Variants in SLC26A3 observed in about 807,000 individuals in gnomAD.
The protein encoded by SLC26A3 is chloride anion exchanger.
In SLC26A3, 64 loss-of-function variants were observed where a neutral mutation model predicts 85.6. That is an observed-to-expected ratio of 0.75 (90% CI 0.61 to 0.92). The LOEUF is 0.92. Ranked by LOEUF, SLC26A3 falls within the 40% of genes least tolerant of loss-of-function variation. SLC26A3 has a pLI of 0.00. For synonymous variants in SLC26A3, 349 were observed against 336.0 expected (o/e 1.04, Z -0.42); for missense variants, 922 against 927.3 (o/e 0.99, Z 0.07).
intron 1 of SLC26A3, among the ~76,000 whole-genome samples, chr7:107,795,603 G>A (rs960889729): frequency 6.6e-6 from 1 of 152,034 alleles, no homozygotes; most frequent in Admixed American, 6.6e-5. Flanking sequence ...GGGACATACA[G>A]CTTGTTAACA....
chr7:107,771,455 G>A (rs1041770539), intron 18 of SLC26A3, among the ~76,000 whole-genome samples: 7 of 152,140 alleles, frequency 4.6e-5, no homozygotes, highest in African/African-American at 1.2e-4. Flanking sequence ...TAGAGTGTAC[G>A]GTTGAAGCTT....
In SLC26A3 at chr7:107,765,882, G is replaced by A. The variant is rs771388879; in HGVS notation, c.2272-4C>T. ...AGAATTTTGTTTCAACTGGCACCTGGAAGAAGACAGAAAGTTCTTGTTTTA... is the reference window on the plus strand; with the variant it reads ...AGAATTTTGTTTCAACTGGCACCTGAAAGAAGACAGAAAGTTCTTGTTTTA... On this transcript the variant is annotated splice_polypyrimidine_tract_variant and splice_region_variant and intron_variant, in intron 20 of 20. Coordinates refer to ENST00000340010, the MANE Select transcript of SLC26A3 (RefSeq NM_000111.3). The A allele has an allele frequency of 5.6e-6, 9 of 1,609,354 alleles. No individual in the cohort carries two copies. The African/African-American group carries it at 1.1e-4, about 19-fold the overall frequency.
chr7:107,769,902 T>G (rs2115791409), intron 18 of SLC26A3, among the ~76,000 whole-genome samples: 1 of 152,216 alleles, frequency 6.6e-6, no homozygotes, highest in South Asian at 2.1e-4. Context: ...ACTGCCTCAC[T>G]TCGTTCTAGT....
intron 1 of SLC26A3, among the ~76,000 whole-genome samples, chr7:107,801,895 C>A (rs1369304757): frequency 7.1e-6 from 1 of 141,134 alleles, no homozygotes; most frequent in African/African-American, 2.7e-5. Flanking sequence ...GCCTGGCCAA[C>A]ATGGCGAAAC....
chr7:107,795,370 T>G (rs1794478159), intron 1 of SLC26A3, among the ~76,000 whole-genome samples: 1 of 152,232 alleles, frequency 6.6e-6, no homozygotes, highest in African/African-American at 2.4e-5. Flanking sequence ...TATTAGCATT[T>G]TTTACACAAA....
intron 1 of SLC26A3, among the ~76,000 whole-genome samples, chr7:107,800,543 C>T (rs1336333554): frequency 6.6e-6 from 1 of 152,220 alleles, no homozygotes; most frequent in African/African-American, 2.4e-5. Flanking sequence ...TATTCCATGT[C>T]ATACATTATT....
chr7:107,792,701 G>A (rs368893152), intron 3 of SLC26A3, among the ~76,000 whole-genome samples: 16 of 152,178 alleles, frequency 1.1e-4, no homozygotes, highest in African/African-American at 3.9e-4. Flanking sequence ...CAGGGACTGG[G>A]GACCCCTGGC....
chr7:107,767,075 A>G (rs1305942047), intron 20 of SLC26A3, among the ~76,000 whole-genome samples: 1 of 152,178 alleles, frequency 6.6e-6, no homozygotes, highest in African/African-American at 2.4e-5. Flanking sequence ...CTACAATGAA[A>G]TGGGACTCTC....
At chr7:107,789,105 T>A (rs1394884884) in intron 6 of SLC26A3, among the ~76,000 whole-genome samples, 3 of 146,552 alleles carry the variant, frequency 2.0e-5, no homozygotes, top group Non-Finnish European at 1.5e-5. Flanking sequence ...TTCTTTTTCT[T>A]TTCTTTTCTT....
intron 20 of SLC26A3, 57 bp from the exon 21 acceptor site, chr7:107,765,935 A>G: frequency 1.4e-6 from 2 of 1,477,518 alleles, no homozygotes; most frequent in Non-Finnish European, 1.9e-6. Flanking sequence ...TGTTACAATA[A>G]TCACATCTTA....
chr7:107,799,374 A>ATTTTCTTTT (rs943692403), intron 1 of SLC26A3, among the ~76,000 whole-genome samples: 14 of 151,826 alleles, frequency 9.2e-5, no homozygotes, highest in Non-Finnish European at 1.6e-4. Context: ...CAAGCCATCA[A>ATTTTCTTTT]TTTTCTTTTC....
chr7:107,775,299 T>C (rs1429826411), intron 15 of SLC26A3, among the ~76,000 whole-genome samples: 1 of 152,210 alleles, frequency 6.6e-6, no homozygotes, highest in East Asian at 1.9e-4. Context: ...TGTTATTTAT[T>C]ATTGTACAAT....
intron 19 of SLC26A3, 54 bp from the exon 20 acceptor site, chr7:107,767,698 A>G (rs1295347153): frequency 8.7e-6 from 14 of 1,608,888 alleles, no homozygotes; most frequent in African/African-American, 1.3e-5. Context: ...TTTAATGTTG[A>G]AAAAGAGAAA....
chr7:107,779,944 C>T (rs1301344043), intron 11 of SLC26A3, among the ~76,000 whole-genome samples, 181 bp from the exon 12 acceptor site: 1 of 152,042 alleles, frequency 6.6e-6, no homozygotes, highest in Non-Finnish European at 1.5e-5. Flanking sequence ...CTGACCTGTT[C>T]CTATGAATGA....
At chr7:107,802,085 C>A (rs1454359283) in intron 1 of SLC26A3, among the ~76,000 whole-genome samples, 1 of 139,420 alleles carries the variant, frequency 7.2e-6, no homozygotes, top group Non-Finnish European at 1.5e-5. Flanking sequence ...GAGTGAGAAT[C>A]CGTCTCAGAA....
rs753377877 is a variant in SLC26A3, at chr7:107,767,883, C to A, written c.2088G>T (p.Arg696=). The change falls in exon 19 of 21, where the codon CGG becomes CGT. Residue 696 remains arginine (R), a synonymous_variant. Coordinates refer to ENST00000340010, the MANE Select transcript of SLC26A3 (RefSeq NM_000111.3). The part of the protein sequence containing the change: ...TDDDFIEKLN[R]YEFFDGEVKS... ...TCACTTCACCATCAAAAAATTCATA[C>A]CGGTTAAGCTTCTCAATGAAGTCAT... 3.1e-6 allele frequency: 5 copies of A among 1,613,398 alleles called. 1 individual carries two copies. In the African/African-American group the frequency reaches 6.7e-5, roughly 22 times the overall value.
At chr7:107,799,232 T>C (rs1444859107) in intron 1 of SLC26A3, among the ~76,000 whole-genome samples, 1 of 152,164 alleles carries the variant, frequency 6.6e-6, no homozygotes, top group Non-Finnish European at 1.5e-5. Flanking sequence ...CCGAAGATGC[T>C]GAAGAAGGAA....
In SLC26A3 at chr7:107,779,725, T is replaced by C. The variant is rs1350968951; in HGVS notation, c.1350A>G (p.Gly450=). 1.2e-6 allele frequency: 2 copies of C among 1,614,030 alleles called. No individual in the cohort carries two copies. Among genetic ancestry groups the C allele is most frequent in the Non-Finnish European group, 1.7e-6 (2 of 1,179,940 alleles). Residue 450 remains glycine, a synonymous_variant, in exon 12 of 21, where the codon GGA becomes GGG. Transcript: ENST00000340010. The part of the protein sequence containing the change: ...LAALALGNLK[G]MLMQFAEIGR... ...CTATTTCAGCAAACTGCATCAGCATTCCCTTTAAGTTTCCCAATGCTAAAG... is the reference window on the plus strand; with the variant it reads ...CTATTTCAGCAAACTGCATCAGCATCCCCTTTAAGTTTCCCAATGCTAAAG...
chr7:107,779,696 C>T lies in SLC26A3; in HGVS notation c.1379G>A (p.Arg460Lys). The change falls in exon 12 of 21, where the codon AGA becomes AAA. Residue 460 changes from arginine (R) to lysine (K), a missense_variant. Physicochemically the swap from Arg to Lys is conservative, Grantham distance 26 (BLOSUM62 2). Coordinates refer to ENST00000340010, the MANE Select transcript of SLC26A3 (RefSeq NM_000111.3). ...GMLMQFAEIG[R>K]LWRKDKYDCL... is the part of the protein sequence containing the mutation. ...ATCATATTTGTCCTTTCGCCACAAT[C>T]TGCCTATTTCAGCAAACTGCATCAG... The T allele has an allele frequency of 6.2e-7, 1 of 1,613,988 alleles. No homozygotes were observed. Among genetic ancestry groups the T allele is most frequent in the Non-Finnish European group, 8.5e-7 (1 of 1,179,904 alleles).
Sources: gnomAD v4.1 joint callset for allele counts (sites outside exome capture counted in the v4.1 genomes callset) on GRCh38, gnomAD v4.1.1 for gene constraint, MANE v1.5 for transcripts, NCBI Gene and HGNC (gene_info 2026-07-23, HGNC 2026-07-21) for gene names.